Variants in SLC22A9 observed in about 807,000 individuals in gnomAD.
SLC22A9 encodes the protein organic anion transporter 7.
SLC22A9 carries 64 observed loss-of-function variants against 50.1 expected under a neutral mutation model. That is an observed-to-expected ratio of 1.28 (90% CI 1.04 to 1.57). The LOEUF is 1.57. SLC22A9 is among the 40% of genes most tolerant of loss of function. The pLI is 0.00. For synonymous variants in SLC22A9, 261 were observed against 242.5 expected (o/e 1.08, Z -0.71); for missense variants, 757 against 676.1 (o/e 1.12, Z -1.33).
chr11:63,383,424 C>G (rs1437781378), intron 6 of SLC22A9, among the ~76,000 whole-genome samples: 2 of 152,094 alleles, frequency 1.3e-5, no homozygotes, highest in Admixed American at 6.6e-5. Flanking sequence ...AAAACAGAAA[C>G]CAGTAGATCT....
chr11:63,408,829 T>C lies in SLC22A9; in HGVS notation c.1551T>C (p.Pro517=). The C allele has an allele frequency of 6.2e-7, 1 of 1,613,932 alleles. No homozygotes were observed. The highest frequency in any genetic ancestry group is 8.5e-7 in the Non-Finnish European group (1 of 1,179,906). ...CTGGCTTTGCTTTCCTCCTCCTTCCTGAAACCAGGAACAAGCCTCTGTTTG... is the reference window on the plus strand; with the variant it reads ...CTGGCTTTGCTTTCCTCCTCCTTCCCGAAACCAGGAACAAGCCTCTGTTTG... ...FISGFAFLLL[P]ETRNKPLFDT... is the part of the protein sequence containing the mutation. The change falls in exon 9 of 10, where the codon CCT becomes CCC. Residue 517 remains proline (P), a synonymous_variant. Coordinates refer to ENST00000279178, the MANE Select transcript of SLC22A9 (RefSeq NM_080866.3).
rs71065364 is a variant in SLC22A9, at chr11:63,386,434, C to CTTTTTT, written c.1073+4186_1073+4191dup. Among the ~76,000 whole-genome samples, 61 of 33,506 alleles carry CTTTTTT rather than the reference C, an allele frequency of 1.8e-3. 7 individuals are homozygous for CTTTTTT. The highest frequency in any genetic ancestry group is 3.5e-3 in the African/African-American group (20 of 5,634). The allele number at this position is 33,506 out of a possible 152,430, so 22.0% of individuals were successfully genotyped here. A position where few individuals can be genotyped will look rare whatever the true frequency, so the allele number is the denominator to read the frequency against. On this transcript the variant is annotated intron_variant, in intron 6 of 9. Transcript: ENST00000279178. ...AGCTATAAATCCACGTGGACCTGGA[C>CTTTTTT]TTTTTTTTTTTTTTTTTTTTTTTTT...
Position 63,370,382 on chromosome 11 carries a change from G to A in SLC22A9, c.326G>A (p.Ser109Asn). The A allele has an allele frequency of 6.2e-7, 1 of 1,613,848 alleles. No individual in the cohort carries two copies. The highest frequency in any genetic ancestry group is 8.5e-7 in the Non-Finnish European group (1 of 1,179,814). ...LHLNGTFPNT[S>N]DADMEPCVDG... ...CTGAATGGGACCTTCCCCAACACAA[G>A]TGACGCAGACATGGAGCCCTGTGTG... The change falls in exon 1 of 10, where the codon AGT (serine) becomes AAT (asparagine). Residue 109 changes from serine to asparagine, a missense_variant. Physicochemically the swap from Ser to Asn is conservative, Grantham distance 46. Coordinates refer to ENST00000279178, the MANE Select transcript of SLC22A9 (RefSeq NM_080866.3).
At chr11:63,385,106 G>GTT (rs149124193) in intron 6 of SLC22A9, among the ~76,000 whole-genome samples, 2,221 of 76,502 alleles carry the variant, frequency 0.029, 167 homozygotes, top group African/African-American at 0.051. Context: ...TGATGATACA[G>GTT]TTTTTTTTTT....
At chr11:63,380,009 A>T (rs1269638778) in intron 5 of SLC22A9, among the ~76,000 whole-genome samples, 1 of 152,070 alleles carries the variant, frequency 6.6e-6, no homozygotes, top group East Asian at 1.9e-4. Flanking sequence ...TGGGATTACA[A>T]GCGTAAGCCA....
intron 6 of SLC22A9, among the ~76,000 whole-genome samples, chr11:63,387,382 C>T (rs1223812134): frequency 3.9e-5 from 6 of 151,972 alleles, no homozygotes; most frequent in African/African-American, 1.4e-4. Flanking sequence ...TCCCAAGCAC[C>T]ATGTATTGAA....
chr11:63,408,994 T>C lies in SLC22A9; in HGVS notation c.1601+115T>C, dbSNP rs779578541. ...TCTCAAAAGGCTTAGACTTAGGATT[T>C]TCCCATGTAATCAGTGCCTTAGGTC... On this transcript the variant is annotated intron_variant, in intron 9 of 9. Coordinates refer to ENST00000279178, the MANE Select transcript of SLC22A9 (RefSeq NM_080866.3). The C allele has an allele frequency of 2.7e-4, 309 of 1,163,052 alleles. 1 individual carries two copies. Among genetic ancestry groups the C allele is most frequent in the Middle Eastern group, 1.1e-3 (4 of 3,498 alleles). 72.0% of individuals were successfully genotyped at this position (1,163,052 alleles called of 1,614,324 possible). A position where few individuals can be genotyped will look rare whatever the true frequency, so the allele number is the denominator to read the frequency against.
chr11:63,373,040 G>A (rs961054016), intron 2 of SLC22A9, among the ~76,000 whole-genome samples: 2 of 151,970 alleles, frequency 1.3e-5, no homozygotes, highest in Non-Finnish European at 2.9e-5. Flanking sequence ...CCTCACCACA[G>A]GCTATATTGT....
At chr11:63,371,320 T>G (rs948950240) in intron 2 of SLC22A9, 82 bp downstream of exon 2, 37 of 1,126,282 alleles carry the variant, frequency 3.3e-5, no homozygotes, top group Non-Finnish European at 4.5e-5. Context: ...AATTACTTAC[T>G]GCAAATTACA....
chr11:63,391,850 T>A (rs974221969), intron 6 of SLC22A9, among the ~76,000 whole-genome samples: 3 of 152,054 alleles, frequency 2.0e-5, no homozygotes, highest in African/African-American at 7.2e-5. Flanking sequence ...GTCATTTTGT[T>A]ATTTGTTTTC....
intron 6 of SLC22A9, among the ~76,000 whole-genome samples, chr11:63,396,483 T>C (rs942310398): frequency 2.6e-5 from 4 of 152,138 alleles, no homozygotes; most frequent in African/African-American, 7.2e-5. Flanking sequence ...GGGGTGCGTG[T>C]TCAGGGGTGG....
chr11:63,383,200 G>T (rs2014597139), intron 6 of SLC22A9, among the ~76,000 whole-genome samples: 1 of 152,164 alleles, frequency 6.6e-6, no homozygotes, highest in Admixed American at 6.5e-5. Context: ...GGAGGGAAGG[G>T]AGTGCAGTAT....
intron 7 of SLC22A9, among the ~76,000 whole-genome samples, chr11:63,407,507 C>A (rs990837675): frequency 6.6e-5 from 10 of 152,172 alleles, no homozygotes; most frequent in Non-Finnish European, 1.3e-4. Context: ...GACAGGATTT[C>A]TTCAGTTGGA....
intron 6 of SLC22A9, among the ~76,000 whole-genome samples, chr11:63,406,217 T>C (rs927998944): frequency 3.9e-5 from 6 of 152,216 alleles, no homozygotes; most frequent in Admixed American, 1.3e-4. Context: ...GAAATTATCC[T>C]GCTTCATAAG....
intron 6 of SLC22A9, among the ~76,000 whole-genome samples, chr11:63,389,241 T>C (rs61928008): frequency 0.04 from 6,024 of 152,156 alleles, 206 homozygotes; most frequent in African/African-American, 0.082. Context: ...GGTATACATG[T>C]GCCACAGTGG....
chr11:63,384,286 C>T (rs1178687482), intron 6 of SLC22A9, among the ~76,000 whole-genome samples: 1 of 152,128 alleles, frequency 6.6e-6, no homozygotes, highest in African/African-American at 2.4e-5. Flanking sequence ...TTAATGTTCT[C>T]TCTTCCTGCA....
chr11:63,401,559 A>G (rs749588862), intron 6 of SLC22A9, among the ~76,000 whole-genome samples: 1 of 152,166 alleles, frequency 6.6e-6, no homozygotes, highest in Non-Finnish European at 1.5e-5. Flanking sequence ...TACCCAAGGC[A>G]ATCTACAGAT....
intron 6 of SLC22A9, among the ~76,000 whole-genome samples, chr11:63,403,800 CATT>C (rs2014990955): frequency 6.6e-6 from 1 of 151,880 alleles, no homozygotes; most frequent in African/African-American, 2.4e-5. Context: ...TTAGGATTAT[CATT>C]ATCAAAAATA....
At chr11:63,392,602 G>GTAAAAT (rs1467461582) in intron 6 of SLC22A9, among the ~76,000 whole-genome samples, 22 of 151,876 alleles carry the variant, frequency 1.4e-4, no homozygotes, top group African/African-American at 5.3e-4. Flanking sequence ...ATGTATAGGA[G>GTAAAAT]CTCCACTGCA....
Sources: allele counts gnomAD v4.1 joint callset (sites outside exome capture counted in the v4.1 genomes callset), GRCh38; gene constraint gnomAD v4.1.1; transcripts MANE v1.5; gene names NCBI Gene and HGNC (gene_info 2026-07-23, HGNC 2026-07-21).